The following UBA2 variants were observed in gnomAD, a reference collection of about 807,000 sequenced individuals.
UBA2 encodes the protein SUMO-activating enzyme subunit 2.
A neutral mutation model predicts 77.2 loss-of-function variants in UBA2; 11 were observed. The ratio of observed to expected loss-of-function variants is 0.14; its 90% CI spans 0.09 to 0.24. UBA2 has a LOEUF of 0.24. UBA2 is among the 10% of genes least tolerant of loss of function. The pLI is 1.00. For synonymous variants in UBA2, 278 were observed against 276.7 expected, an observed-to-expected ratio of 1.00 and a Z score of -0.05; for missense variants, 487 against 781.7, an observed-to-expected ratio of 0.62 and a Z score of 4.50.
In UBA2 at chr19:34,432,851, G is replaced by A. The variant is rs550711447; in HGVS notation, c.294-497G>A. 9.2e-5 allele frequency among the ~76,000 whole-genome samples: 14 copies of A among 151,938 alleles called. No homozygotes were observed. The East Asian group carries it at 2.3e-3, about 25-fold the overall frequency. The stretch of plus-strand genomic sequence containing the variant: ...ATTACAGGCGTGAGCCACTGCACCC[G>A]GCCTGTATCTCCGGCTTGTTTTTTA... On this transcript the variant is annotated intron_variant, in intron 3 of 16. Transcript: ENST00000246548.
intron 14 of UBA2, among the ~76,000 whole-genome samples, chr19:34,463,078 C>G (rs1039571236): frequency 2.0e-5 from 3 of 149,338 alleles, no homozygotes; most frequent in Non-Finnish European, 4.4e-5. Context: ...GCCTGGACAA[C>G]AGAGTGAGAC....
chr19:34,444,012 G>A (rs73030334), intron 7 of UBA2, 101 bp downstream of exon 7: 374 of 579,130 alleles, frequency 6.5e-4, no homozygotes, highest in Admixed American at 1.4e-3. Context: ...ATATGTGCTA[G>A]GTAATGTGTG....
intron 8 of UBA2, among the ~76,000 whole-genome samples, chr19:34,448,391 A>C (rs11669606): frequency 6.6e-6 from 1 of 152,156 alleles, no homozygotes; most frequent in South Asian, 2.1e-4. Flanking sequence ...GGCCAGGAGC[A>C]CAAGACCAGC....
At chr19:34,457,179 A>ATTAT (rs1555730726) in intron 12 of UBA2, among the ~76,000 whole-genome samples, 6 of 53,224 alleles carry the variant, frequency 1.1e-4, no homozygotes, top group Non-Finnish European at 1.8e-4. Flanking sequence ...AAAAAAAAAA[A>ATTAT]ATATATATAT....
chr19:34,449,689 A>G (rs1165483316), intron 8 of UBA2, among the ~76,000 whole-genome samples: 1 of 152,144 alleles, frequency 6.6e-6, no homozygotes, highest in African/African-American at 2.4e-5. Flanking sequence ...TTGTTTTTGT[A>G]ATAATTGTGT....
At chr19:34,439,881 T>A (rs1245043786) in intron 6 of UBA2, among the ~76,000 whole-genome samples, 3 of 151,790 alleles carry the variant, frequency 2.0e-5, no homozygotes, top group Non-Finnish European at 4.4e-5. Flanking sequence ...AAGAGCACAT[T>A]TGATTACAAA....
chr19:34,433,527 A>G, intron 4 of UBA2, 115 bp downstream of exon 4: 1 of 765,176 alleles, frequency 1.3e-6, no homozygotes, highest in South Asian at 1.7e-5. Context: ...AAGACTTAAG[A>G]GAAATGATCG....
intron 12 of UBA2, among the ~76,000 whole-genome samples, chr19:34,455,931 A>G (rs2075553397): frequency 6.7e-6 from 1 of 149,550 alleles, no homozygotes; most frequent in Admixed American, 6.7e-5. Context: ...TACAGGCATG[A>G]GCCACTGCGC....
At chr19:34,450,412 C>A in intron 9 of UBA2, 48 bp downstream of exon 9, 1 of 1,348,472 alleles carries the variant, frequency 7.4e-7, no homozygotes, top group South Asian at 1.3e-5. Flanking sequence ...GAAATATCCT[C>A]GCGTAAAGTC....
intron 6 of UBA2, among the ~76,000 whole-genome samples, chr19:34,439,284 G>A (rs367630035): frequency 3.3e-5 from 5 of 151,450 alleles, no homozygotes; most frequent in African/African-American, 1.2e-4. Context: ...GTAACTAAGC[G>A]ATAAAAATCT....
chr19:34,435,825 T>G (rs2075301898), intron 5 of UBA2, among the ~76,000 whole-genome samples: 1 of 141,102 alleles, frequency 7.1e-6, no homozygotes, highest in Admixed American at 7.1e-5. Context: ...AGACTCCATC[T>G]CAAAAAAAAA....
At chr19:34,432,377 T>G (rs993638708) in intron 3 of UBA2, among the ~76,000 whole-genome samples, 3 of 152,188 alleles carry the variant, frequency 2.0e-5, no homozygotes, top group Non-Finnish European at 4.4e-5. Context: ...TATATTTATC[T>G]CAGTAAAGAT....
chr19:34,441,741 C>T (rs989461390), intron 6 of UBA2, among the ~76,000 whole-genome samples: 5 of 151,368 alleles, frequency 3.3e-5, no homozygotes, highest in African/African-American at 7.3e-5. Flanking sequence ...GGCAACATGG[C>T]GAAACCCTGT....
intron 6 of UBA2, among the ~76,000 whole-genome samples, chr19:34,441,175 G>T (rs957607127): frequency 6.6e-6 from 1 of 152,182 alleles, no homozygotes; most frequent in Non-Finnish European, 1.5e-5. Flanking sequence ...AACTTACTAG[G>T]CCGGGCGAGG....
intron 10 of UBA2, among the ~76,000 whole-genome samples, chr19:34,452,414 T>C (rs1381084671): frequency 6.6e-6 from 1 of 152,214 alleles, no homozygotes; most frequent in African/African-American, 2.4e-5. Context: ...CGTGAATATA[T>C]TAAAGTGAAA....
intron 9 of UBA2, among the ~76,000 whole-genome samples, 154 bp downstream of exon 9, chr19:34,450,518 C>T (rs1282478389): frequency 2.0e-5 from 3 of 152,040 alleles, no homozygotes; most frequent in African/African-American, 7.2e-5. Flanking sequence ...AAGTCCCACA[C>T]TTCAGAAATA....
chr19:34,445,103 A>G lies in UBA2; in HGVS notation c.753A>G (p.Pro251=). The change falls in exon 8 of 17, where the codon CCA becomes CCG. Residue 251 remains proline (P), a synonymous_variant. Transcript: ENST00000246548. ...GGGCTAAATCAACTGGATATGATCCAGTTAAACTTTTTACCAAGGTTAGAT... is the reference window on the plus strand; with the variant it reads ...GGGCTAAATCAACTGGATATGATCCGGTTAAACTTTTTACCAAGGTTAGAT... ...KEWAKSTGYD[P]VKLFTKLFKD... is the part of the protein sequence containing the mutation. The G allele has an allele frequency of 6.2e-7, 1 of 1,611,366 alleles. No homozygotes were observed. Among genetic ancestry groups the G allele is most frequent in the East Asian group, 2.2e-5 (1 of 44,852 alleles).
At chr19:34,435,049 T>C in intron 5 of UBA2, 81 bp downstream of exon 5, 1 of 1,034,352 alleles carries the variant, frequency 9.7e-7, no homozygotes, top group Non-Finnish European at 1.4e-6. Flanking sequence ...TTTGTATTTA[T>C]ATAAAATGAA....
intron 14 of UBA2, among the ~76,000 whole-genome samples, chr19:34,461,412 G>A (rs2145562676): frequency 6.6e-6 from 1 of 152,296 alleles, no homozygotes; most frequent in Middle Eastern, 3.4e-3. Context: ...TGGGCTATTA[G>A]GTCATGTGTA....
Sources: allele counts gnomAD v4.1 joint callset (sites outside exome capture counted in the v4.1 genomes callset), GRCh38; gene constraint gnomAD v4.1.1; transcripts MANE v1.5; gene names NCBI Gene and HGNC (gene_info 2026-07-23, HGNC 2026-07-21).